SEMA4F: variants seen among roughly 807,000 people sequenced by gnomAD.
SEMA4F encodes the protein ssemaphorin 4F, also known as semaphorin-4F.
A neutral mutation model predicts 78.4 loss-of-function variants in SEMA4F; 51 were observed. The observed-to-expected ratio is 0.65, with a 90% CI of 0.52 to 0.82. SEMA4F has a LOEUF of 0.82. Ranked by LOEUF, SEMA4F falls within the 40% of genes least tolerant of loss-of-function variation. The pLI, the probability that SEMA4F is intolerant of heterozygous loss-of-function variation, is 0.00. For missense variants in SEMA4F, 938 were observed against 1,014.4 expected (o/e 0.92, Z 1.02); for synonymous variants, 418 against 408.7 (o/e 1.02, Z -0.27).
chr2:74,677,426 C>G (rs1003518693), intron 12 of SEMA4F, among the ~76,000 whole-genome samples: 1 of 152,114 alleles, frequency 6.6e-6, no homozygotes, highest in Non-Finnish European at 1.5e-5. Flanking sequence ...CTCTAACATA[C>G]AAGGGCTTTA....
At position 74,675,242 on chromosome 2, in the gene SEMA4F, C is replaced by G. The variant is rs747597767; in HGVS notation, c.1230C>G (p.Asp410Glu). 3.1e-6 allele frequency: 5 copies of G among 1,614,192 alleles called. No homozygotes were observed. Among genetic ancestry groups the G allele is most frequent in the Middle Eastern group, 1.6e-4 (1 of 6,062 alleles). The change falls in exon 10 of 14, where the codon GAC (aspartate) becomes GAG (glutamate). Residue 410 changes from aspartate to glutamate, a missense_variant. By Grantham distance (45) the Asp-to-Glu change is conservative. Coordinates refer to ENST00000357877, the MANE Select transcript of SEMA4F (RefSeq NM_004263.5). The stretch of plus-strand genomic sequence containing the variant: ...ACCGCGTACTCACCTTCATCCGGGA[C>G]CACCCACTCATGGACAGGCCAGTGT... ...LPDRVLTFIR[D>E]HPLMDRPVFP...
At chr2:74,707,936 G>T in the SEMA4F span, among the ~76,000 whole-genome samples, 1 of 152,130 alleles carries the variant, frequency 6.6e-6, no homozygotes, top group East Asian at 1.9e-4. Context: ...ATCAGCACAT[G>T]TGTGTGAGGA....
At chr2:74,701,915 C>T in the SEMA4F span, among the ~76,000 whole-genome samples, 1 of 152,154 alleles carries the variant, frequency 6.6e-6, no homozygotes, top group East Asian at 1.9e-4. Flanking sequence ...CAGAGGTCAA[C>T]CATTCCAGCC....
At position 74,674,662 on chromosome 2, in the gene SEMA4F, C is replaced by G. The variant is rs1685165989; in HGVS notation, c.987C>G (p.Ile329Met). The G allele has an allele frequency of 6.2e-7, 1 of 1,613,824 alleles. No homozygotes were observed. Among genetic ancestry groups the G allele is most frequent in the Non-Finnish European group, 8.5e-7 (1 of 1,179,974 alleles). The change falls in exon 8 of 14, where the codon ATC becomes ATG. Residue 329 changes from isoleucine (I) to methionine (M), a missense_variant. Physicochemically the swap from Ile to Met is conservative, Grantham distance 10. Transcript: ENST00000357877. ...CAGGGACTCCCATCTTTTATGGCAT[C>G]TTTTCTTCCCAGTGGTGAGGGGTCT... ...LGAGTPIFYG[I>M]FSSQWEGATI...
chr2:74,679,455 C>T, intron 13 of SEMA4F, 121 bp downstream of exon 13: 4 of 1,482,348 alleles, frequency 2.7e-6, no homozygotes. Flanking sequence ...AGCCAGGAAC[C>T]TCGGGCCTTA....
rs546702362 is a variant in SEMA4F at position 74,681,946 on chromosome 2, C to T, written c.*1737C>T. 6.5e-6 allele frequency: 1 copy of T among 152,756 alleles called. No individual in the cohort carries two copies. Among genetic ancestry groups the T allele is most frequent in the South Asian group, 2.1e-4 (1 of 4,824 alleles). 9.5% of individuals were successfully genotyped at this position (152,756 alleles called of 1,614,324 possible). On this transcript the variant is annotated 3_prime_UTR_variant, in exon 14 of 14. Transcript: ENST00000357877. Reference sequence around the variant, plus strand: ...TGTGATCTTCGGCAAGTAACCTAACCTAGGGACATCAGTTTACTCATCTGC... The same window carrying T: ...TGTGATCTTCGGCAAGTAACCTAACTTAGGGACATCAGTTTACTCATCTGC...
At chr2:74,688,407 G>A (rs943046571), downstream of SEMA4F, among the ~76,000 whole-genome samples, 1 of 151,842 alleles carries the variant, frequency 6.6e-6, no homozygotes, top group African/African-American at 2.4e-5. Flanking sequence ...AGAAAAACAT[G>A]GTATTTCATT....
At chr2:74,670,277 T>G (rs1017926149) in intron 5 of SEMA4F, among the ~76,000 whole-genome samples, 8 of 152,202 alleles carry the variant, frequency 5.3e-5, no homozygotes, top group African/African-American at 1.9e-4. Context: ...CTATTCCTTC[T>G]GCTGTGTAGG....
intron 5 of SEMA4F, among the ~76,000 whole-genome samples, chr2:74,671,943 C>A (rs1685011830): frequency 6.6e-6 from 1 of 152,210 alleles, no homozygotes; most frequent in South Asian, 2.1e-4. Context: ...CCTTCCAAAT[C>A]CAGCCCCTTT....
chr2:74,698,653 GC>G, the SEMA4F span, among the ~76,000 whole-genome samples: 1 of 152,198 alleles, frequency 6.6e-6, no homozygotes, highest in Non-Finnish European at 1.5e-5. Flanking sequence ...TACGAGTCAT[GC>G]CAAATCCATA....
the SEMA4F span, among the ~76,000 whole-genome samples, chr2:74,709,237 A>AT: frequency 6.6e-6 from 1 of 152,238 alleles, no homozygotes; most frequent in Admixed American, 6.5e-5. Context: ...GAGAAATGAC[A>AT]CCTTGCACAG....
At position 74,680,112 on chromosome 2, in the gene SEMA4F, G is replaced by C; in HGVS notation, c.2216G>C (p.Gly739Ala). ...GCCAAGAGGGGCAGTGGCTTTGGTGGATTCTCACCACCCTTCCTGCTTGAT... is the reference window on the plus strand; with the variant it reads ...GCCAAGAGGGGCAGTGGCTTTGGTGCATTCTCACCACCCTTCCTGCTTGAT... ...ALAKRGSGFG[G>A]FSPPFLLDPC... Residue 739 changes from glycine to alanine, a missense_variant, in exon 14 of 14, where the codon GGA (glycine) becomes GCA (alanine). Physicochemically the swap from Gly to Ala is moderately conservative, Grantham distance 60 (BLOSUM62 0). Transcript: ENST00000357877. 1 of 1,613,520 alleles carries C rather than the reference G, an allele frequency of 6.2e-7. No homozygotes were observed. The highest frequency in any genetic ancestry group is 8.5e-7 in the Non-Finnish European group (1 of 1,179,486).
At chr2:74,678,816 A>G (rs1056079170) in intron 12 of SEMA4F, among the ~76,000 whole-genome samples, 2 of 152,204 alleles carry the variant, frequency 1.3e-5, no homozygotes, top group Admixed American at 6.5e-5. Flanking sequence ...TTTAGGAAAC[A>G]AGAAGTCACC....
At chr2:74,677,279 A>G (rs1685344388) in intron 12 of SEMA4F, among the ~76,000 whole-genome samples, 1 of 152,184 alleles carries the variant, frequency 6.6e-6, no homozygotes, top group Admixed American at 6.5e-5. Flanking sequence ...ATGAATTTCC[A>G]TGCATCCATC....
At chr2:74,695,372 T>G in the SEMA4F span, among the ~76,000 whole-genome samples, 1 of 152,208 alleles carries the variant, frequency 6.6e-6, no homozygotes, top group East Asian at 1.9e-4. Context: ...ACAACAGTGC[T>G]TCTTTTCTGC....
chr2:74,677,471 C>T (rs888052127), intron 12 of SEMA4F, among the ~76,000 whole-genome samples: 1 of 152,122 alleles, frequency 6.6e-6, no homozygotes, highest in Non-Finnish European at 1.5e-5. Flanking sequence ...ATACCAAAAA[C>T]TTACTTTCTT....
chr2:74,654,784 G>A (rs888363353), intron 1 of SEMA4F, among the ~76,000 whole-genome samples: 2 of 152,188 alleles, frequency 1.3e-5, no homozygotes, highest in Non-Finnish European at 2.9e-5. Context: ...GCACCAGCGG[G>A]CCCTATTCCC....
chr2:74,704,589 T>C, the SEMA4F span, among the ~76,000 whole-genome samples: 1 of 152,034 alleles, frequency 6.6e-6, no homozygotes, highest in Non-Finnish European at 1.5e-5. Context: ...ATTACTTTTA[T>C]TATCTAACCA....
At chr2:74,660,167 G>A (rs781119225) in intron 4 of SEMA4F, among the ~76,000 whole-genome samples, 7 of 152,112 alleles carry the variant, frequency 4.6e-5, no homozygotes, top group Non-Finnish European at 7.3e-5. Context: ...TGATATTTAG[G>A]TATTATTTCC....
Sources: allele counts gnomAD v4.1 joint callset (sites outside exome capture counted in the v4.1 genomes callset), GRCh38; gene constraint gnomAD v4.1.1; transcripts MANE v1.5; gene names NCBI Gene and HGNC (gene_info 2026-07-23, HGNC 2026-07-21).